Variants in BRD9 observed in about 807,000 individuals in gnomAD.
BRD9 encodes the protein bromodomain containing 9, also known as bromodomain-containing protein 9.
BRD9 carries 47 observed loss-of-function variants against 68.7 expected under a neutral mutation model. The observed-to-expected ratio is 0.68, with a 90% confidence interval of 0.54 to 0.87. The LOEUF (loss-of-function observed/expected upper bound fraction) is 0.87. Ranked by LOEUF, BRD9 falls within the 40% of genes least tolerant of loss-of-function variation. BRD9 has a pLI of 0.00. For synonymous variants in BRD9, 313 were observed against 293.9 expected, an observed-to-expected ratio of 1.06 and a Z score of -0.67; for missense variants, 670 against 748.4, an observed-to-expected ratio of 0.90 and a Z score of 1.22.
rs1752599871 is a variant in BRD9, at chr5:886,583, A to C, written c.833+9T>G. 5.6e-6 allele frequency: 9 copies of C among 1,610,552 alleles called. No individual in the cohort carries two copies. Among genetic ancestry groups the C allele is most frequent in the Non-Finnish European group, 6.8e-6 (8 of 1,178,188 alleles). On this transcript the variant is annotated intron_variant, in intron 7 of 15. Coordinates refer to ENST00000467963, the MANE Select transcript of BRD9 (RefSeq NM_023924.5). ...CCAAAAGCAAATGTGGTTTCCACAG[A>C]ACCTTTACCTGATAACTTCTCTACT...
chr5:891,940 A>G (rs903819944), intron 1 of BRD9, 86 bp from the exon 2 acceptor site: 3 of 1,521,616 alleles, frequency 2.0e-6, no homozygotes, highest in African/African-American at 2.8e-5. Flanking sequence ...CTAAGAGGGA[A>G]AGGCCTCCCT....
At chr5:890,325 G>A (rs997951622) in intron 3 of BRD9, among the ~76,000 whole-genome samples, 2 of 152,084 alleles carry the variant, frequency 1.3e-5, no homozygotes, top group African/African-American at 4.8e-5. Context: ...CTGAATGATC[G>A]CAGCACTAGC....
intron 1 of BRD9, 185 bp downstream of exon 1, chr5:892,421 C>T: frequency 7.5e-7 from 1 of 1,341,284 alleles, no homozygotes; most frequent in Non-Finnish European, 9.7e-7. Context: ...AAGCGCCTAC[C>T]CAGGACCCCT....
chr5:891,281 T>C lies in BRD9; in HGVS notation c.274A>G (p.Lys92Glu), dbSNP rs1472141224. 6.4e-7 allele frequency: 1 copy of C among 1,551,324 alleles called. No homozygotes were observed. The highest frequency in any genetic ancestry group is 8.7e-7 in the Non-Finnish European group (1 of 1,146,788). The change falls in exon 3 of 16, where the codon AAG (lysine) becomes GAG (glutamate). Residue 92 changes from lysine (K) to glutamate (E), a missense_variant. Physicochemically the swap from Lys to Glu is moderately conservative, Grantham distance 56 (BLOSUM62 1). This residue lies in a region of BRD9 where 161 missense variants were observed against 148.1 expected (regional missense o/e 1.09). Transcript: ENST00000467963. Reference protein sequence around the residue: ...DEERRKRKEEKKRKREREHCD... With the variant: ...DEERRKRKEEEKRKREREHCD... ...TGCTCCCTCTCTCGCTTCCGCTTCT[T>C]CTCTTCCTGGGCGGCAGAGTCAAGG...
rs1751351195 is a variant in BRD9 at position 878,593 on chromosome 5, C to T, written c.1139-106G>A. Reference sequence around the variant, plus strand: ...GAGGGACCGCCTGGCTGGCAGCCAGCACCCCAGTCTCACCTCTCTTGCTCT... The same window carrying T: ...GAGGGACCGCCTGGCTGGCAGCCAGTACCCCAGTCTCACCTCTCTTGCTCT... On this transcript the variant is annotated intron_variant, in intron 10 of 15. Coordinates refer to ENST00000467963, the MANE Select transcript of BRD9 (RefSeq NM_023924.5). The T allele has an allele frequency of 8.0e-6, 12 of 1,496,104 alleles. No individual in the cohort carries two copies. In the Admixed American group the frequency reaches 1.1e-4, roughly 13 times the overall value. The allele number at this position is 1,496,104 out of a possible 1,614,324, so 92.7% of individuals were successfully genotyped here.
rs1311503628 is a variant in BRD9 at position 891,220 on chromosome 5, G to C, written c.335C>G (p.Pro112Arg). The C allele has an allele frequency of 2.6e-6, 4 of 1,551,802 alleles. No individual in the cohort carries two copies. In the African/African-American group the frequency reaches 5.5e-5, roughly 21 times the overall value. The change falls in exon 3 of 16, where the codon CCT (proline) becomes CGT (arginine). Residue 112 changes from proline (P) to arginine (R), a missense_variant. Around this residue, in one of 5 missense-constraint regions of BRD9, gnomAD observed 161 missense variants for 148.1 expected, o/e 1.09. Transcript: ENST00000467963. ...DTEGEADDFD[P>R]GKKVEVEPPP... ...CGGCTCCACCTCCACCTTCTTCCCAGGATCAAAGTCGTCAGCCTCTCCCTC... is the reference window on the plus strand; with the variant it reads ...CGGCTCCACCTCCACCTTCTTCCCACGATCAAAGTCGTCAGCCTCTCCCTC...
At chr5:884,186 G>C (rs1230418193) in intron 7 of BRD9, 116 bp from the exon 8 acceptor site, 4 of 1,329,400 alleles carry the variant, frequency 3.0e-6, no homozygotes, top group Middle Eastern at 2.3e-4. Context: ...CACAGAGCTG[G>C]CAGAGCATAC....
At chr5:886,863 C>A (rs1752648180) in intron 6 of BRD9, 156 bp from the exon 7 acceptor site, 1 of 1,342,810 alleles carries the variant, frequency 7.4e-7, no homozygotes, top group Admixed American at 2.3e-5. Flanking sequence ...CACAGCCTCA[C>A]CTGGCCTAAG....
intron 14 of BRD9, chr5:868,471 T>A (rs930538409): frequency 1.3e-5 from 2 of 152,280 alleles, no homozygotes; most frequent in African/African-American, 4.8e-5. Context: ...CAGGGTCCCC[T>A]GGAAGGCAAG....
chr5:878,506 A>G lies in BRD9; in HGVS notation c.1139-19T>C. On this transcript the variant is annotated intron_variant, in intron 10 of 15. Coordinates refer to ENST00000467963, the MANE Select transcript of BRD9 (RefSeq NM_023924.5). ...AAGGTGACTGGGAGGAAGAGGAGAG[A>G]GCATCACTGGACTCACTGGAAGGAC... 1 of 1,613,744 alleles carries G rather than the reference A, an allele frequency of 6.2e-7. No individual in the cohort carries two copies. Among genetic ancestry groups the G allele is most frequent in the Non-Finnish European group, 8.5e-7 (1 of 1,180,040 alleles).
rs1395725771 is a variant in BRD9 at position 891,673 on chromosome 5, C to T, written c.234G>A (p.Lys78=). 3.2e-6 allele frequency: 5 copies of T among 1,551,656 alleles called. No homozygotes were observed. The highest frequency in any genetic ancestry group is 4.4e-6 in the Non-Finnish European group (5 of 1,147,036). ...TCCTTCTTTCCTCATCGTCCAGATG[C>T]TTCTCCTTCTCGGACTTCTTCTTCT... ...KKKKKKSEKE[K]HLDDEERRKR... is the part of the protein sequence containing the mutation. Residue 78 remains lysine, a synonymous_variant, in exon 2 of 16, where the codon AAG becomes AAA. Coordinates refer to ENST00000467963, the MANE Select transcript of BRD9 (RefSeq NM_023924.5).
chr5:886,817 CAG>C (rs1200138158), intron 6 of BRD9, 110 bp from the exon 7 acceptor site: 1 of 1,572,564 alleles, frequency 6.4e-7, no homozygotes, highest in Non-Finnish European at 8.6e-7. Context: ...CCCTCACAGC[CAG>C]GGTGCCGTGA....
chr5:885,204 G>C (rs1250453185), intron 7 of BRD9, among the ~76,000 whole-genome samples: 1 of 152,250 alleles, frequency 6.6e-6, no homozygotes, highest in Non-Finnish European at 1.5e-5. Flanking sequence ...CAACCACGCA[G>C]TGAGTGTTCA....
In BRD9 at chr5:879,885, C is replaced by G; in HGVS notation, c.1047G>C (p.Glu349Asp). Residue 349 changes from glutamate to aspartate, a missense_variant, in exon 10 of 16, where the codon GAG (glutamate) becomes GAC (aspartate). Transcript: ENST00000467963. ...VNTAEPDADE[E>D]ETHPVDLSSL... Reference sequence around the variant, plus strand: ...AGCTCAAGTCCACCGGGTGGGTCTCCTCCTCTGCAACACGGACATGGCGGG... The same window carrying G: ...AGCTCAAGTCCACCGGGTGGGTCTCGTCCTCTGCAACACGGACATGGCGGG... The G allele has an allele frequency of 1.5e-6, 1 of 655,772 alleles. No individual in the cohort carries two copies. The allele number at this position is 655,772 out of a possible 1,614,324, so 40.6% of individuals were successfully genotyped here. A position where few individuals can be genotyped will look rare whatever the true frequency, so the allele number is the denominator to read the frequency against.
intron 6 of BRD9, 135 bp downstream of exon 6, chr5:887,226 A>T: frequency 1.4e-6 from 1 of 733,328 alleles, no homozygotes; most frequent in Non-Finnish European, 2.3e-6. Context: ...CGTCTACCCT[A>T]GAGCAAAGGG....
chr5:891,627 G>A lies in BRD9; in HGVS notation c.267+13C>T, dbSNP rs1288444078. 3 of 1,550,032 alleles carry A rather than the reference G, an allele frequency of 1.9e-6. No individual in the cohort carries two copies. The highest frequency in any genetic ancestry group is 1.2e-5 in the South Asian group (1 of 84,016). ...CGTGGGCAGCGTCCGGGCCACCGCC[G>A]CTGCTCCTTTACCTTTCGCTTCCTT... On this transcript the variant is annotated intron_variant, in intron 2 of 15. Coordinates refer to ENST00000467963, the MANE Select transcript of BRD9 (RefSeq NM_023924.5).
chr5:873,484 T>C (rs958641083), intron 12 of BRD9, among the ~76,000 whole-genome samples: 2 of 152,294 alleles, frequency 1.3e-5, no homozygotes, highest in African/African-American at 4.8e-5. Context: ...CTATAACCTA[T>C]AAGGCCCTGC....
intron 14 of BRD9, chr5:868,554 G>A (rs1230542697): frequency 5.3e-5 from 8 of 152,248 alleles, no homozygotes; most frequent in Non-Finnish European, 1.0e-4. Flanking sequence ...CAGGAGCAGA[G>A]TGGTTTATGC....
At chr5:875,387 G>T (rs1433751938) in intron 12 of BRD9, among the ~76,000 whole-genome samples, 1 of 151,536 alleles carries the variant, frequency 6.6e-6, no homozygotes, top group Non-Finnish European at 1.5e-5. Flanking sequence ...TGGCTCTGTG[G>T]CCCAAGCTGG....
Sources: allele counts gnomAD v4.1 joint callset (sites outside exome capture counted in the v4.1 genomes callset), GRCh38; gene constraint gnomAD v4.1.1; regional missense constraint gnomAD v4.1.1; transcripts MANE v1.5; gene names NCBI Gene and HGNC (gene_info 2026-07-23, HGNC 2026-07-21).